Variants in DCTD observed in about 807,000 individuals in gnomAD.
The protein encoded by DCTD is dCMP deaminase.
DCTD carries 23 observed loss-of-function variants against 21.0 expected under a neutral mutation model. The observed-to-expected ratio is 1.09, with a 90% CI of 0.79 to 1.55. The LOEUF is 1.55. Ranked by LOEUF, DCTD falls within the 40% of genes most tolerant of loss-of-function variation. DCTD has a pLI of 0.00. For missense variants in DCTD, 224 were observed against 230.0 expected (o/e 0.97, Z 0.17); for synonymous variants, 71 against 81.1 (o/e 0.88, Z 0.67).
At chr4:182,897,685 G>A (rs1734986190) in intron 3 of DCTD, among the ~76,000 whole-genome samples, 1 of 152,128 alleles carries the variant, frequency 6.6e-6, no homozygotes, top group Non-Finnish European at 1.5e-5. Flanking sequence ...GCCCCACCCT[G>A]GTCTCTCTTG....
intron 5 of DCTD, 97 bp from the exon 6 acceptor site, chr4:182,891,574 T>A: frequency 1.2e-6 from 1 of 815,680 alleles, no homozygotes; most frequent in Non-Finnish European, 2.1e-6. Flanking sequence ...GAGAAAAATA[T>A]GTCCTGGGAT....
intron 3 of DCTD, among the ~76,000 whole-genome samples, chr4:182,896,020 A>C (rs1734663272): frequency 6.6e-6 from 1 of 152,218 alleles, no homozygotes; most frequent in Non-Finnish European, 1.5e-5. Context: ...GGCCCACATC[A>C]CACAAGCCAC....
intron 3 of DCTD, among the ~76,000 whole-genome samples, chr4:182,910,431 T>C (rs1474141648): frequency 6.6e-6 from 1 of 152,106 alleles, no homozygotes; most frequent in Non-Finnish European, 1.5e-5. Context: ...TTTGATAACA[T>C]TGGTATTTTG....
chr4:182,904,334 C>T (rs1223084759), intron 3 of DCTD, among the ~76,000 whole-genome samples: 1 of 152,182 alleles, frequency 6.6e-6, no homozygotes, highest in Admixed American at 6.5e-5. Context: ...GTAGGCCATG[C>T]CAACTCCCTT....
At chr4:182,896,523 G>A (rs1388645768) in intron 3 of DCTD, among the ~76,000 whole-genome samples, 3 of 152,174 alleles carry the variant, frequency 2.0e-5, no homozygotes, top group Non-Finnish European at 4.4e-5. Context: ...GCTGCCCAGA[G>A]TGACCAGAGC....
At position 182,907,197 on chromosome 4, in the gene DCTD, G is replaced by A. The variant is rs558472658; in HGVS notation, c.244+7726C>T. ...GTCGTCTGGGATGGAGTTCAGTGGTGCAATCTTGGCTCACTGCTGCCTTGG... is the reference window on the plus strand; with the variant it reads ...GTCGTCTGGGATGGAGTTCAGTGGTACAATCTTGGCTCACTGCTGCCTTGG... On this transcript the variant is annotated intron_variant, in intron 3 of 5. Coordinates refer to ENST00000438320, the MANE Select transcript of DCTD (RefSeq NM_001921.3). Among the ~76,000 whole-genome samples, 3 of 152,248 alleles carry A rather than the reference G, an allele frequency of 2.0e-5. No homozygotes were observed. In the South Asian group the frequency reaches 6.2e-4, roughly 32 times the overall value.
chr4:182,910,992 C>T (rs995578312), intron 3 of DCTD, among the ~76,000 whole-genome samples: 1 of 152,188 alleles, frequency 6.6e-6, no homozygotes, highest in African/African-American at 2.4e-5. Context: ...TTGGTAAACT[C>T]AAATTTACAC....
Position 182,894,609 on chromosome 4 carries a change from T to C in DCTD, c.245-4A>G. ...GCATTCAGCTCCGCATGGCACACTG[T>C]GGGTTGAAAGGGAAAGAAAGAAAAA... is the stretch of plus-strand genomic sequence containing the variant. On this transcript the variant is annotated splice_region_variant and splice_polypyrimidine_tract_variant and intron_variant, in intron 3 of 5. Transcript: ENST00000438320. The C allele has an allele frequency of 6.2e-7, 1 of 1,606,248 alleles. No homozygotes were observed.
At position 182,891,245 on chromosome 4, in the gene DCTD, G is replaced by C. The variant is rs1733690624; in HGVS notation, c.*154C>G. ...CATGTAGATTCCATGTGACAAGAGA[G>C]ACAGTAAGGAAGATTTGAGGCTTTA... is the stretch of plus-strand genomic sequence containing the variant. On this transcript the variant is annotated 3_prime_UTR_variant, in exon 6 of 6. Coordinates refer to ENST00000438320, the MANE Select transcript of DCTD (RefSeq NM_001921.3). 1 of 650,532 alleles carries C rather than the reference G, an allele frequency of 1.5e-6. No homozygotes were observed. Among genetic ancestry groups the C allele is most frequent in the Non-Finnish European group, 2.8e-6 (1 of 362,740 alleles). The allele number at this position is 650,532 out of a possible 1,614,324, so 40.3% of individuals were successfully genotyped here.
chr4:182,901,259 A>G (rs1394427654), intron 3 of DCTD, among the ~76,000 whole-genome samples: 1 of 152,236 alleles, frequency 6.6e-6, no homozygotes, highest in Non-Finnish European at 1.5e-5. Context: ...ACTGATCTTC[A>G]TCTGCTATGG....
intron 3 of DCTD, among the ~76,000 whole-genome samples, chr4:182,910,482 G>C (rs1460557613): frequency 6.6e-6 from 1 of 152,088 alleles, no homozygotes; most frequent in African/African-American, 2.4e-5. Context: ...CAAAGAAAAA[G>C]GAATGAAAAA....
rs1473609960 is a variant in DCTD at position 182,891,485 on chromosome 4, TAAAAAC to T, written c.459-14_459-9del. 1 of 1,591,658 alleles carries T rather than the reference TAAAAAC, an allele frequency of 6.3e-7. No homozygotes were observed. The highest frequency in any genetic ancestry group is 8.6e-7 in the Non-Finnish European group (1 of 1,160,598). On this transcript the variant is annotated splice_polypyrimidine_tract_variant and intron_variant, in intron 5 of 5. Transcript: ENST00000438320. ...CACTTCGGTATGAATTTCCTAAAAA[TAAAAAC>T]AAAATACAATTATTATCTGGTGAGT...
intron 3 of DCTD, among the ~76,000 whole-genome samples, chr4:182,894,933 GACACGC>G (rs1734474459): frequency 6.6e-6 from 1 of 152,240 alleles, no homozygotes; most frequent in African/African-American, 2.4e-5. Flanking sequence ...TTGGTGTGCT[GACACGC>G]ACACATGGGG....
At position 182,915,520 on chromosome 4, in the gene DCTD, C is replaced by T; in HGVS notation, c.49G>A (p.Glu17Lys). Residue 17 changes from glutamate (E) to lysine (K), a missense_variant, in exon 2 of 6, where the codon GAG (glutamate) becomes AAG (lysine). Physicochemically the swap from Glu to Lys is moderately conservative, Grantham distance 56 (BLOSUM62 1). Coordinates refer to ENST00000438320, the MANE Select transcript of DCTD (RefSeq NM_001921.3). The part of the protein sequence containing the change: ...KKRDDYLEWP[E>K]YFMAVAFLSA... ...AAGAAGGCCACAGCCATAAAATACT[C>T]TGGCCATTCCAAATAGTCGTCCCGT... The T allele has an allele frequency of 6.2e-7, 1 of 1,613,904 alleles. No homozygotes were observed. Among genetic ancestry groups the T allele is most frequent in the African/African-American group, 1.3e-5 (1 of 75,044 alleles).
At position 182,894,440 on chromosome 4, in the gene DCTD, C is replaced by T. The variant is rs143658463; in HGVS notation, c.361+49G>A. 4.4e-5 allele frequency: 49 copies of T among 1,112,290 alleles called. No individual in the cohort carries two copies. In the East Asian group the frequency reaches 9.2e-4, roughly 21 times the overall value. The allele number at this position is 1,112,290 out of a possible 1,614,324, so 68.9% of individuals were successfully genotyped here. A position where few individuals can be genotyped will look rare whatever the true frequency, so the allele number is the denominator to read the frequency against. ...AAACACATCAGCAATGAGCTACTGA[C>T]GAGCAGGCAGCAATGCAAATGTGAC... On this transcript the variant is annotated intron_variant, in intron 4 of 5. Transcript: ENST00000438320.
chr4:182,903,362 G>T (rs1736091804), intron 3 of DCTD, among the ~76,000 whole-genome samples: 1 of 152,112 alleles, frequency 6.6e-6, no homozygotes, highest in African/African-American at 2.4e-5. Flanking sequence ...GCAGAGTGTG[G>T]CCTTTCTACT....
chr4:182,915,051 G>C lies in DCTD; in HGVS notation c.116C>G (p.Ala39Gly). 1.2e-6 allele frequency: 2 copies of C among 1,614,244 alleles called. No individual in the cohort carries two copies. Among genetic ancestry groups the C allele is most frequent in the Non-Finnish European group, 1.7e-6 (2 of 1,180,038 alleles). ...CTTGTTTTCTGAATTCACGATGCAG[G>C]CGCCGACCTAGAAGGAAACATGCCC... is the stretch of plus-strand genomic sequence containing the variant. Reference protein sequence around the residue: ...RSKDPNSQVGACIVNSENKIV... With the variant: ...RSKDPNSQVGGCIVNSENKIV... Residue 39 changes from alanine (A) to glycine (G), a missense_variant, in exon 3 of 6, where the codon GCC (alanine) becomes GGC (glycine). Physicochemically the swap from Ala to Gly is moderately conservative, Grantham distance 60. Transcript: ENST00000438320.
At chr4:182,891,726 T>C (rs1733788723) in intron 5 of DCTD, among the ~76,000 whole-genome samples, 1 of 152,148 alleles carries the variant, frequency 6.6e-6, no homozygotes, top group Non-Finnish European at 1.5e-5. Flanking sequence ...CACGAATTAT[T>C]GGGGAGTCAA....
At position 182,894,519 on chromosome 4, in the gene DCTD, TA is replaced by T. The variant is rs770841153; in HGVS notation, c.330del (p.Cys110Ter). 6 of 1,613,826 alleles carry T rather than the reference TA, an allele frequency of 3.7e-6. No homozygotes were observed. The South Asian group carries it at 6.6e-5, about 18-fold the overall frequency. ...GCSMYVALFPCNECAKLIIQA... is the reference protein window; with the variant it reads ...GCSMYVALFPXNECAKLIIQA... ...TGGATGATGAGCTTAGCGCATTCAT[TA>T]CAAGGGAACAAGGCAACATACATAC... On this transcript the variant is annotated frameshift_variant, in exon 4 of 6. Transcript: ENST00000438320. LOFTEE classifies it high-confidence loss of function.
Sources: allele counts gnomAD v4.1 joint callset (sites outside exome capture counted in the v4.1 genomes callset), GRCh38; gene constraint gnomAD v4.1.1; transcripts MANE v1.5; gene names NCBI Gene and HGNC (gene_info 2026-07-23, HGNC 2026-07-21).